Variants in GPC6 observed in about 807,000 individuals in gnomAD.
GPC6 encodes glypican-6.
In GPC6, 14 loss-of-function variants were observed where a neutral mutation model predicts 55.2. The ratio of observed to expected loss-of-function variants is 0.25; its 90% CI spans 0.17 to 0.40. The LOEUF (loss-of-function observed/expected upper bound fraction) is 0.40, where lower values mean the gene tolerates loss of function less well. Ranked by LOEUF, GPC6 falls within the 10% of genes least tolerant of loss-of-function variation. The probability of loss-of-function intolerance (pLI) is 1.00; values close to 1 mark genes in which losing one functional copy is unlikely to be tolerated. For missense variants in GPC6, 641 were observed against 708.5 expected, an observed-to-expected ratio of 0.90 and a Z score of 1.08; for synonymous variants, 278 against 259.6, an observed-to-expected ratio of 1.07 and a Z score of -0.68.
chr13:93,272,848 G>A (rs1877583821), intron 1 of GPC6, among the ~76,000 whole-genome samples: 1 of 152,076 alleles, frequency 6.6e-6, no homozygotes, highest in African/African-American at 2.4e-5. Context: ...GATACCAGCA[G>A]TTCAGAAACA....
intron 7 of GPC6, among the ~76,000 whole-genome samples, chr13:94,397,496 T>C (rs1880942398): frequency 2.0e-5 from 3 of 152,238 alleles, no homozygotes. Context: ...TAAATCTACC[T>C]AATCGAACCC....
chr13:93,859,071 G>T (rs2139023562), intron 3 of GPC6, among the ~76,000 whole-genome samples: 1 of 151,514 alleles, frequency 6.6e-6, no homozygotes, highest in Middle Eastern at 3.4e-3. Flanking sequence ...TCTCTGTGGG[G>T]TCTATACTAT....
chr13:93,581,151 ACT>A (rs748030294), intron 2 of GPC6, among the ~76,000 whole-genome samples: 2 of 152,218 alleles, frequency 1.3e-5, no homozygotes, highest in Non-Finnish European at 2.9e-5. Context: ...AAAAAGGCTG[ACT>A]CTCAAATCTA....
At position 94,020,847 on chromosome 13, in the gene GPC6, A is replaced by G. The variant is rs183064168; in HGVS notation, c.712-6882A>G. 2.0e-5 allele frequency among the ~76,000 whole-genome samples: 3 copies of G among 152,284 alleles called. No individual in the cohort carries two copies. The East Asian group carries it at 5.8e-4, about 29-fold the overall frequency. On this transcript the variant is annotated intron_variant, in intron 3 of 8. Transcript: ENST00000377047. ...AATGAATAAAGATGAAATAAATTTA[A>G]TTTCCCATGAGCTTACTACAAAGCC...
chr13:93,725,040 A>G (rs1883585751), intron 2 of GPC6, among the ~76,000 whole-genome samples: 1 of 152,004 alleles, frequency 6.6e-6, no homozygotes, highest in Admixed American at 6.6e-5. Context: ...TAATGATGTA[A>G]CCTATACAGT....
intron 2 of GPC6, among the ~76,000 whole-genome samples, chr13:93,614,532 G>C (rs1382963745): frequency 6.6e-6 from 1 of 152,054 alleles, no homozygotes; most frequent in Non-Finnish European, 1.5e-5. Context: ...ATGAAGTGAA[G>C]AAACCATGGC....
At chr13:93,515,949 C>T (rs1881173299) in intron 1 of GPC6, among the ~76,000 whole-genome samples, 1 of 152,116 alleles carries the variant, frequency 6.6e-6, no homozygotes, top group African/African-American at 2.4e-5. Flanking sequence ...TAGCAAAACT[C>T]ACATAGTGGC....
rs1011984210 is a variant in GPC6 at position 93,227,230 on chromosome 13, C to G, written c.-227C>G. ...GGGGGCTAGAGGAGCAAGGCAGCAG[C>G]CTTCCCAGCCAGCCCTTGTTGGCTT... On this transcript the variant is annotated 5_prime_UTR_variant, in exon 1 of 9. Coordinates refer to ENST00000377047, the MANE Select transcript of GPC6 (RefSeq NM_005708.5). The surrounding 1 kb of genome is among the most constrained non-coding windows in gnomAD (Gnocchi z 4.3). 6.2e-6 allele frequency: 3 copies of G among 485,496 alleles called. No individual in the cohort carries two copies. The highest frequency in any genetic ancestry group is 1.1e-5 in the Non-Finnish European group (3 of 271,902). 30.1% of individuals were successfully genotyped at this position (485,496 alleles called of 1,614,324 possible).
chr13:94,259,994 G>T (rs1891612212), intron 4 of GPC6, among the ~76,000 whole-genome samples: 1 of 152,146 alleles, frequency 6.6e-6, no homozygotes, highest in Non-Finnish European at 1.5e-5. Flanking sequence ...TGATGTTATG[G>T]TGTACATGGG....
chr13:94,088,436 C>T (rs1319756299), intron 4 of GPC6, among the ~76,000 whole-genome samples: 1 of 151,908 alleles, frequency 6.6e-6, no homozygotes, highest in Admixed American at 6.6e-5. Context: ...CCCGTAATAT[C>T]CTAGCATTTT....
At chr13:94,390,100 C>G (rs1271756118) in intron 7 of GPC6, among the ~76,000 whole-genome samples, 1 of 152,194 alleles carries the variant, frequency 6.6e-6, no homozygotes, top group Non-Finnish European at 1.5e-5. Context: ...ATAGATCAGT[C>G]ACTCTCATCA....
chr13:93,734,663 T>C (rs769975731), intron 2 of GPC6, among the ~76,000 whole-genome samples: 1 of 152,176 alleles, frequency 6.6e-6, no homozygotes, highest in Non-Finnish European at 1.5e-5. Flanking sequence ...GGAGATATTG[T>C]AAATGTAAAA....
chr13:93,889,634 C>T (rs749785168), intron 3 of GPC6, among the ~76,000 whole-genome samples: 14 of 152,064 alleles, frequency 9.2e-5, no homozygotes, highest in Non-Finnish European at 1.6e-4. Flanking sequence ...CTGAATTTGT[C>T]AAAGAGAATA....
At chr13:93,371,706 A>G (rs925352846) in intron 1 of GPC6, among the ~76,000 whole-genome samples, 7 of 152,132 alleles carry the variant, frequency 4.6e-5, no homozygotes, top group Admixed American at 2.6e-4. Flanking sequence ...CAGTAAGGCT[A>G]TTAGGGAAAC....
chr13:94,157,722 C>G (rs1888003757), intron 4 of GPC6, among the ~76,000 whole-genome samples: 1 of 152,110 alleles, frequency 6.6e-6, no homozygotes, highest in Non-Finnish European at 1.5e-5. Context: ...TTGGGAAGTT[C>G]CCCCTAACAG....
chr13:94,260,096 A>T (rs1258293068), intron 4 of GPC6, among the ~76,000 whole-genome samples: 1 of 152,190 alleles, frequency 6.6e-6, no homozygotes, highest in Admixed American at 6.5e-5. Context: ...CCTGTTGCAG[A>T]TGTTTTATAA....
chr13:93,262,558 G>T (rs1218503770), intron 1 of GPC6, among the ~76,000 whole-genome samples: 1 of 152,114 alleles, frequency 6.6e-6, no homozygotes, highest in African/African-American at 2.4e-5. Context: ...ATAGGCAATT[G>T]TAATTCTTCC....
intron 1 of GPC6, among the ~76,000 whole-genome samples, chr13:93,426,026 G>A (rs892258153): frequency 1.2e-4 from 19 of 152,134 alleles, no homozygotes; most frequent in Admixed American, 2.0e-4. Flanking sequence ...CCCAGGTTGG[G>A]CTAAGGGCAG....
In GPC6 at chr13:94,288,898, AATATATATATATTTGTT is replaced by A. The variant is rs1265977645; in HGVS notation, c.1008+2429_1008+2445del. On this transcript the variant is annotated intron_variant, in intron 5 of 8. Coordinates refer to ENST00000377047, the MANE Select transcript of GPC6 (RefSeq NM_005708.5). ...ATATATATAACTAATATATATAACAAATATATATATATTTGTTATATATATAACAAATATAGATAGAT... is the reference window on the plus strand; with the variant it reads ...ATATATATAACTAATATATATAACAAATATATATAACAAATATAGATAGAT... Among the ~76,000 whole-genome samples the A allele has an allele frequency of 6.8e-4, 88 of 129,042 alleles. 2 individuals are homozygous for A. The highest frequency in any genetic ancestry group is 1.1e-3 in the Non-Finnish European group (65 of 60,104). The allele number at this position is 129,042 out of a possible 152,430, so 84.7% of individuals were successfully genotyped here.
Sources: allele counts gnomAD v4.1 joint callset (sites outside exome capture counted in the v4.1 genomes callset), GRCh38; gene constraint gnomAD v4.1.1; non-coding constraint Gnocchi (gnomAD v3.1); transcripts MANE v1.5; gene names NCBI Gene and HGNC (gene_info 2026-07-23, HGNC 2026-07-21).